PHACTR1: variants seen among roughly 807,000 people sequenced by gnomAD.
PHACTR1 encodes the protein RPEL repeat containing 1.
In PHACTR1, 16 loss-of-function variants were observed where a neutral mutation model predicts 69.2. The ratio of observed to expected loss-of-function variants is 0.23; its 90% confidence interval spans 0.16 to 0.35. PHACTR1 has a LOEUF of 0.35. PHACTR1 is among the 10% of genes least tolerant of loss of function. The probability of loss-of-function intolerance (pLI) is 1.00; values close to 1 mark genes in which losing one functional copy is unlikely to be tolerated. For synonymous variants in PHACTR1, 312 were observed against 284.5 expected (o/e 1.10, Z -0.97); for missense variants, 510 against 734.7 (o/e 0.69, Z 3.54).
chr6:12,989,172 G>T (rs1192641715), intron 4 of PHACTR1, among the ~76,000 whole-genome samples: 2 of 152,208 alleles, frequency 1.3e-5, no homozygotes, highest in Non-Finnish European at 1.5e-5. Context: ...TTTCAGGTGG[G>T]CAAGCCATCT....
chr6:12,808,951 C>T (rs1272834138), intron 4 of PHACTR1, among the ~76,000 whole-genome samples: 1 of 151,816 alleles, frequency 6.6e-6, no homozygotes, highest in Non-Finnish European at 1.5e-5. Context: ...AATCTTGGCT[C>T]ACTGCAACCT....
chr6:12,982,901 A>G (rs573615278), intron 4 of PHACTR1, among the ~76,000 whole-genome samples: 10 of 152,328 alleles, frequency 6.6e-5, no homozygotes, highest in Admixed American at 2.0e-4. Flanking sequence ...ATAACTATGC[A>G]ATTAGAGATG....
Position 13,287,217 on chromosome 6 carries a change from GA to G in PHACTR1, c.*142del. 1 of 912,110 alleles carries G rather than the reference GA, an allele frequency of 1.1e-6. No individual in the cohort carries two copies. Among genetic ancestry groups the G allele is most frequent in the Non-Finnish European group, 1.6e-6 (1 of 614,446 alleles). The allele number at this position is 912,110 out of a possible 1,614,324, so 56.5% of individuals were successfully genotyped here. A position where few individuals can be genotyped will look rare whatever the true frequency, so the allele number is the denominator to read the frequency against. On this transcript the variant is annotated 3_prime_UTR_variant, in exon 15 of 15. Transcript: ENST00000332995. Reference sequence around the variant, plus strand: ...TTTTTTAAAAAGAAGAAAAATCAAGGAAACACAATCAGGATTTTATGTGTGA... The same window carrying G: ...TTTTTTAAAAAGAAGAAAAATCAAGGAACACAATCAGGATTTTATGTGTGA...
chr6:13,272,711 G>C (rs369138198), intron 10 of PHACTR1, 149 bp from the exon 11 acceptor site: 1 of 1,583,592 alleles, frequency 6.3e-7, no homozygotes. Context: ...CTGAGGAGGC[G>C]GTGGTGGCGA....
At chr6:13,060,748 C>G (rs1435160477) in intron 5 of PHACTR1, among the ~76,000 whole-genome samples, 1 of 151,422 alleles carries the variant, frequency 6.6e-6, no homozygotes, top group East Asian at 2.0e-4. Context: ...GAAGTCCATT[C>G]CAGATTGATG....
intron 4 of PHACTR1, among the ~76,000 whole-genome samples, chr6:12,936,467 CT>C (rs1227204962): frequency 6.6e-6 from 1 of 152,192 alleles, no homozygotes; most frequent in Non-Finnish European, 1.5e-5. Flanking sequence ...CACTGAAACA[CT>C]TGCCACTCAT....
chr6:13,106,124 T>C (rs1011348690), intron 5 of PHACTR1, among the ~76,000 whole-genome samples: 2 of 152,196 alleles, frequency 1.3e-5, no homozygotes, highest in Admixed American at 6.5e-5. Context: ...TTAACATTTC[T>C]ATGGGCCTGA....
intron 4 of PHACTR1, among the ~76,000 whole-genome samples, chr6:12,813,181 T>TA (rs1775213925): frequency 6.6e-6 from 1 of 152,208 alleles, no homozygotes; most frequent in South Asian, 2.1e-4. Flanking sequence ...AATAAGTGTT[T>TA]AAATATTTAC....
At chr6:12,894,286 C>T (rs1463453408) in intron 4 of PHACTR1, among the ~76,000 whole-genome samples, 1 of 152,188 alleles carries the variant, frequency 6.6e-6, no homozygotes. Context: ...AGTAGCCAGG[C>T]TTGTCGCTGC....
rs115251236 is a variant in PHACTR1 at position 13,124,696 on chromosome 6, G to C, written c.416-35508G>C. 6.3e-3 allele frequency among the ~76,000 whole-genome samples: 959 copies of C among 152,322 alleles called. 4 individuals are homozygous for C. Among genetic ancestry groups the C allele is most frequent in the Non-Finnish European group, 9.9e-3 (676 of 68,036 alleles). On this transcript the variant is annotated intron_variant, in intron 5 of 14. Coordinates refer to ENST00000332995, the MANE Select transcript of PHACTR1 (RefSeq NM_030948.6). ...AAATTTATTTCTCACAGCTTTAGAG[G>C]CTGGAAGGCTGAGATAAGGGTGCCC...
chr6:12,723,229 A>T (rs1443731626), intron 3 of PHACTR1, among the ~76,000 whole-genome samples: 1 of 152,044 alleles, frequency 6.6e-6, no homozygotes, highest in Non-Finnish European at 1.5e-5. Context: ...TTTATGATGA[A>T]TACTGGAGCT....
intron 4 of PHACTR1, among the ~76,000 whole-genome samples, chr6:12,772,689 A>T (rs902387385): frequency 6.6e-6 from 1 of 152,180 alleles, no homozygotes; most frequent in Non-Finnish European, 1.5e-5. Flanking sequence ...ATTCTCAAAT[A>T]CTCAGCAAAT....
intron 6 of PHACTR1, among the ~76,000 whole-genome samples, chr6:13,160,596 C>T (rs1002832466): frequency 2.6e-5 from 4 of 152,206 alleles, no homozygotes; most frequent in Admixed American, 1.3e-4. Flanking sequence ...CAAATACACA[C>T]GACCAGGGTG....
chr6:13,284,921 T>C (rs1781332080), intron 13 of PHACTR1, among the ~76,000 whole-genome samples: 1 of 152,154 alleles, frequency 6.6e-6, no homozygotes, highest in African/African-American at 2.4e-5. Context: ...TGCCCTCCTC[T>C]GTAAACACAG....
At chr6:13,253,920 G>A (rs1407589331) in intron 10 of PHACTR1, among the ~76,000 whole-genome samples, 1 of 152,192 alleles carries the variant, frequency 6.6e-6, no homozygotes, top group Non-Finnish European at 1.5e-5. Context: ...CTTGATTTGG[G>A]GCACACATTA....
intron 4 of PHACTR1, among the ~76,000 whole-genome samples, chr6:13,011,867 A>G (rs1255467669): frequency 6.6e-6 from 1 of 152,260 alleles, no homozygotes; most frequent in African/African-American, 2.4e-5. Flanking sequence ...AACACAATGC[A>G]GTAAATTCCC....
chr6:13,152,590 C>T (rs1824479229), intron 5 of PHACTR1, among the ~76,000 whole-genome samples: 1 of 152,174 alleles, frequency 6.6e-6, no homozygotes, highest in Non-Finnish European at 1.5e-5. Flanking sequence ...TACTGGCTCA[C>T]ATACAGACAG....
intron 10 of PHACTR1, among the ~76,000 whole-genome samples, chr6:13,254,944 T>C (rs1397345778): frequency 6.6e-6 from 1 of 152,216 alleles, no homozygotes; most frequent in East Asian, 1.9e-4. Context: ...ACCCACCTCT[T>C]AGCTCCCCAA....
chr6:13,123,997 G>C (rs1583461442), intron 5 of PHACTR1, among the ~76,000 whole-genome samples: 1 of 152,176 alleles, frequency 6.6e-6, no homozygotes, highest in South Asian at 2.1e-4. Context: ...TATCTTAGCT[G>C]GGTGGGGGAT....
Sources: allele counts gnomAD v4.1 joint callset (sites outside exome capture counted in the v4.1 genomes callset), GRCh38; gene constraint gnomAD v4.1.1; transcripts MANE v1.5; gene names NCBI Gene and HGNC (gene_info 2026-07-23, HGNC 2026-07-21).